CPQ: variants seen among roughly 807,000 people sequenced by gnomAD.
CPQ encodes Ser-Met dipeptidase.
Under a neutral mutation model 45.7 loss-of-function variants are expected in CPQ, and 37 were observed. The observed-to-expected ratio is 0.81, with a 90% CI of 0.62 to 1.07. The LOEUF is 1.07. CPQ is among the 50% of genes least tolerant of loss of function. CPQ has a pLI of 0.00. For missense variants in CPQ, 537 were observed against 572.9 expected, an observed-to-expected ratio of 0.94 and a Z score of 0.64; for synonymous variants, 186 against 205.8, an observed-to-expected ratio of 0.90 and a Z score of 0.82.
At chr8:96,671,891 C>A (rs2130721119) in intron 1 of CPQ, among the ~76,000 whole-genome samples, 1 of 152,142 alleles carries the variant, frequency 6.6e-6, no homozygotes, top group East Asian at 1.9e-4. Flanking sequence ...CTTGGGGCAA[C>A]TAAAAAGAAG....
chr8:96,918,933 G>A (rs1480790590), intron 4 of CPQ, among the ~76,000 whole-genome samples: 1 of 152,090 alleles, frequency 6.6e-6, no homozygotes, highest in Non-Finnish European at 1.5e-5. Flanking sequence ...CCCTGCTTTA[G>A]TGGTATGTGG....
chr8:96,657,896 C>T (rs891860390), intron 1 of CPQ, among the ~76,000 whole-genome samples: 2 of 152,288 alleles, frequency 1.3e-5, no homozygotes, highest in South Asian at 2.1e-4. Flanking sequence ...CGTTTATATA[C>T]GTATGTCTCT....
intron 5 of CPQ, among the ~76,000 whole-genome samples, chr8:97,026,936 G>A (rs1458164106): frequency 6.6e-6 from 1 of 152,134 alleles, no homozygotes; most frequent in Non-Finnish European, 1.5e-5. Context: ...AGCCTGTGCT[G>A]CCTGTTTATT....
chr8:97,078,035 GATTT>G (rs775239377), intron 7 of CPQ, among the ~76,000 whole-genome samples: 1 of 152,064 alleles, frequency 6.6e-6, no homozygotes, highest in African/African-American at 2.4e-5. Flanking sequence ...ACCCAAAGAT[GATTT>G]ATTTATTTTT....
chr8:96,773,692 T>G (rs1035956621), intron 1 of CPQ, among the ~76,000 whole-genome samples: 4 of 152,124 alleles, frequency 2.6e-5, no homozygotes, highest in Non-Finnish European at 4.4e-5. Context: ...GAACAGAAAT[T>G]TGTTTTCTCA....
chr8:96,673,393 G>A (rs550687011), intron 1 of CPQ, among the ~76,000 whole-genome samples: 33 of 152,216 alleles, frequency 2.2e-4, no homozygotes, highest in African/African-American at 7.0e-4. Context: ...CGCCTTTCAT[G>A]ATCAGTCAGA....
intron 1 of CPQ, among the ~76,000 whole-genome samples, chr8:96,673,539 G>C (rs1809034195): frequency 6.6e-6 from 1 of 152,136 alleles, no homozygotes; most frequent in South Asian, 2.1e-4. Context: ...GTGTTGTAAA[G>C]GGAGTAGCCT....
chr8:96,976,872 C>T (rs1813799434), intron 5 of CPQ, among the ~76,000 whole-genome samples: 1 of 152,076 alleles, frequency 6.6e-6, no homozygotes, highest in Admixed American at 6.5e-5. Flanking sequence ...AAACTTAAAT[C>T]TAAGACCTGA....
At chr8:96,961,734 C>T (rs1488971280) in intron 4 of CPQ, among the ~76,000 whole-genome samples, 4 of 152,158 alleles carry the variant, frequency 2.6e-5, no homozygotes, top group Non-Finnish European at 5.9e-5. Flanking sequence ...GCTTGTTTTA[C>T]TCATTTCGGT....
intron 1 of CPQ, among the ~76,000 whole-genome samples, chr8:96,719,663 C>A (rs1435916529): frequency 6.6e-6 from 1 of 152,230 alleles, no homozygotes; most frequent in African/African-American, 2.4e-5. Context: ...TGACCACTGC[C>A]TGTGTCAGCT....
intron 7 of CPQ, among the ~76,000 whole-genome samples, chr8:97,141,881 CA>C (rs1169466939): frequency 2.6e-5 from 4 of 151,872 alleles, no homozygotes; most frequent in African/African-American, 2.4e-5. Flanking sequence ...GGATATGGTT[CA>C]AAAGTAGGCA....
intron 4 of CPQ, among the ~76,000 whole-genome samples, chr8:96,889,380 T>C (rs1329259695): frequency 6.6e-6 from 1 of 152,066 alleles, no homozygotes; most frequent in Non-Finnish European, 1.5e-5. Context: ...TTTGGGTATA[T>C]GAGAGAAAAA....
In CPQ at chr8:96,839,706, T is replaced by A. The variant is rs549099067; in HGVS notation, c.641+4526T>A. ...GTTTTTTGTCCTCAAGAAATATTTT[T>A]ATGTAGCCAAAAGAGAAGGGGGTAA... On this transcript the variant is annotated intron_variant, in intron 3 of 7. Transcript: ENST00000220763. 3.9e-5 allele frequency among the ~76,000 whole-genome samples: 6 copies of A among 152,350 alleles called. No homozygotes were observed. In the South Asian group the frequency reaches 6.2e-4, roughly 16 times the overall value.
intron 2 of CPQ, among the ~76,000 whole-genome samples, chr8:96,834,671 G>C (rs750808520): frequency 3.3e-5 from 5 of 152,110 alleles, no homozygotes; most frequent in Non-Finnish European, 7.4e-5. Context: ...GACTTCTGAG[G>C]GTGGGAAAGA....
In CPQ at chr8:97,024,413, G is replaced by T. The variant is rs184926771; in HGVS notation, c.962-4990G>T. On this transcript the variant is annotated intron_variant, in intron 5 of 7. Transcript: ENST00000220763. ...CAAGATGGAGTTTAAAAAACAGTTT[G>T]TTGCCCTGCCCTAATGCTCCCCCAA... 5.3e-5 allele frequency among the ~76,000 whole-genome samples: 8 copies of T among 152,168 alleles called. No individual in the cohort carries two copies. The East Asian group carries it at 1.5e-3, about 29-fold the overall frequency.
At chr8:97,137,015 T>C (rs1376835517) in intron 7 of CPQ, among the ~76,000 whole-genome samples, 1 of 152,196 alleles carries the variant, frequency 6.6e-6, no homozygotes, top group African/African-American at 2.4e-5. Context: ...AGAGACAAAG[T>C]TGCAAGCCAG....
intron 1 of CPQ, among the ~76,000 whole-genome samples, chr8:96,656,310 C>T (rs1307366144): frequency 2.6e-5 from 4 of 152,166 alleles, no homozygotes; most frequent in Admixed American, 6.5e-5. Flanking sequence ...GCTCTGAGGT[C>T]TGATGGGGCT....
rs868013672 is a variant in CPQ at position 97,122,999 on chromosome 8, A to C, written c.1256-20021A>C. Among the ~76,000 whole-genome samples the C allele has an allele frequency of 5.8e-3, 308 of 53,384 alleles. 20 individuals carry two copies. Among genetic ancestry groups the C allele is most frequent in the Non-Finnish European group, 7.7e-3 (253 of 32,764 alleles). 35.0% of individuals were successfully genotyped at this position (53,384 alleles called of 152,430 possible). A position where few individuals can be genotyped will look rare whatever the true frequency, so the allele number is the denominator to read the frequency against. ...AATAAAATTAAAATAAAATAAAATA[A>C]AATATAAAATAAAATAAAATAAAAT... On this transcript the variant is annotated intron_variant, in intron 7 of 7. Transcript: ENST00000220763.
At chr8:97,010,855 G>T (rs2130438932) in intron 5 of CPQ, among the ~76,000 whole-genome samples, 1 of 152,082 alleles carries the variant, frequency 6.6e-6, no homozygotes, top group Admixed American at 6.5e-5. Flanking sequence ...GTTTATTTCT[G>T]ACAACAAAAT....
Sources: allele counts gnomAD v4.1 joint callset (sites outside exome capture counted in the v4.1 genomes callset), GRCh38; gene constraint gnomAD v4.1.1; transcripts MANE v1.5; gene names NCBI Gene and HGNC (gene_info 2026-07-23, HGNC 2026-07-21).